LAMA2: variants seen among roughly 807,000 people sequenced by gnomAD.
The protein encoded by LAMA2 is laminin subunit alpha-2.
Under a neutral mutation model 364.8 loss-of-function variants are expected in LAMA2, and 269 were observed. The ratio of observed to expected loss-of-function variants is 0.74; its 90% confidence interval spans 0.67 to 0.82. The LOEUF is 0.82. Among genes scored for constraint, LAMA2 ranks in the 40% least tolerant of loss-of-function variants. LAMA2 has a pLI of 0.00. For missense variants in LAMA2, 3,807 were observed against 3,873.2 expected (o/e 0.98, Z 0.45); for synonymous variants, 1,379 against 1,370.6 (o/e 1.01, Z -0.14).
chr6:129,502,279 C>T (rs1448601571), intron 58 of LAMA2, among the ~76,000 whole-genome samples: 1 of 152,100 alleles, frequency 6.6e-6, no homozygotes, highest in Non-Finnish European at 1.5e-5. Flanking sequence ...CTCTTATAAC[C>T]CAAGTGGCTA....
At chr6:129,453,192 G>A in intron 46 of LAMA2, 61 bp downstream of exon 46, 1 of 1,469,752 alleles carries the variant, frequency 6.8e-7, no homozygotes, top group Non-Finnish European at 9.5e-7. Context: ...AGGTTAATCT[G>A]AAAATGTATA....
intron 1 of LAMA2, among the ~76,000 whole-genome samples, chr6:128,935,433 A>G (rs997041520): frequency 6.6e-6 from 1 of 152,086 alleles, no homozygotes; most frequent in African/African-American, 2.4e-5. Context: ...CATGGTGTAT[A>G]TGTGCCACAT....
At chr6:129,387,249 G>A (rs558057996) in intron 35 of LAMA2, among the ~76,000 whole-genome samples, 1 of 152,040 alleles carries the variant, frequency 6.6e-6, no homozygotes, top group Non-Finnish European at 1.5e-5. Flanking sequence ...GTGGTTTGCT[G>A]CACCTATCAA....
chr6:129,146,901 T>G (rs556662683), intron 5 of LAMA2, 58 bp from the exon 6 acceptor site: 82 of 1,024,356 alleles, frequency 8.0e-5, no homozygotes, highest in Non-Finnish European at 1.3e-4. Flanking sequence ...TGTCCCCTTT[T>G]GTTACTTTGA....
chr6:128,896,512 T>C (rs1187006518), intron 1 of LAMA2, among the ~76,000 whole-genome samples: 1 of 152,098 alleles, frequency 6.6e-6, no homozygotes, highest in African/African-American at 2.4e-5. Context: ...ACACTTTATA[T>C]GTAGATAATG....
chr6:128,889,291 CACAATTGTTGA>C (rs1776313604), intron 1 of LAMA2, among the ~76,000 whole-genome samples: 1 of 152,174 alleles, frequency 6.6e-6, no homozygotes, highest in South Asian at 2.1e-4. Flanking sequence ...AAAGTTTAGA[CACAATTGTTGA>C]AAATGACATA....
intron 1 of LAMA2, among the ~76,000 whole-genome samples, chr6:129,014,227 G>A (rs371169303): frequency 6.6e-6 from 1 of 152,100 alleles, no homozygotes; most frequent in Non-Finnish European, 1.5e-5. Flanking sequence ...TTTAATATTT[G>A]GATATGTAAG....
rs773828278 is a variant in LAMA2 at position 129,328,363 on chromosome 6, A to C, written c.4262A>C (p.Gln1421Pro). Residue 1421 changes from glutamine to proline, a missense_variant, in exon 29 of 65, where the codon CAA (glutamine) becomes CCA (proline). By Grantham distance (76) the Gln-to-Pro change is moderately conservative (BLOSUM62 -1). Coordinates refer to ENST00000421865, the MANE Select transcript of LAMA2 (RefSeq NM_000426.4). Reference protein sequence around the residue: ...GPTLGTCVPCQCNGHSSLCDP... With the variant: ...GPTLGTCVPCPCNGHSSLCDP... Reference sequence around the variant, plus strand: ...ACCCTGGGCACCTGTGTTCCATGTCAATGTAATGGACACAGCAGCCTGTGT... The same window carrying C: ...ACCCTGGGCACCTGTGTTCCATGTCCATGTAATGGACACAGCAGCCTGTGT... 3.1e-6 allele frequency: 5 copies of C among 1,614,008 alleles called. No homozygotes were observed. The African/African-American group carries it at 6.7e-5, about 22-fold the overall frequency.
intron 35 of LAMA2, among the ~76,000 whole-genome samples, chr6:129,384,310 C>T (rs1778857033): frequency 6.6e-6 from 1 of 152,154 alleles, no homozygotes; most frequent in East Asian, 1.9e-4. Flanking sequence ...AAAACAACAA[C>T]AACAACAAAT....
chr6:128,985,869 C>T (rs573097405), intron 1 of LAMA2, among the ~76,000 whole-genome samples: 1 of 152,144 alleles, frequency 6.6e-6, no homozygotes, highest in East Asian at 1.9e-4. Context: ...TATTTCATCC[C>T]ATCAAATATT....
intron 18 of LAMA2, among the ~76,000 whole-genome samples, chr6:129,280,681 T>G (rs1223943217): frequency 6.6e-6 from 1 of 152,208 alleles, no homozygotes; most frequent in Admixed American, 6.5e-5. Flanking sequence ...TGGGTTGCTT[T>G]GCAGCAGAAA....
At chr6:129,424,717 A>G (rs1315637227) in intron 40 of LAMA2, among the ~76,000 whole-genome samples, 6 of 152,098 alleles carry the variant, frequency 3.9e-5, no homozygotes, top group African/African-American at 1.4e-4. Context: ...CCAAGTATCA[A>G]CAAAGATGTA....
intron 58 of LAMA2, among the ~76,000 whole-genome samples, chr6:129,495,816 T>C (rs1302723487): frequency 6.6e-6 from 1 of 152,192 alleles, no homozygotes; most frequent in Non-Finnish European, 1.5e-5. Context: ...ATGGAGATTT[T>C]TACTCATTTA....
At chr6:129,377,812 A>G (rs538905129) in intron 34 of LAMA2, among the ~76,000 whole-genome samples, 1 of 152,340 alleles carries the variant, frequency 6.6e-6, no homozygotes, top group African/African-American at 2.4e-5. Flanking sequence ...CAAGAAAATT[A>G]TGTGCAGATT....
intron 12 of LAMA2, among the ~76,000 whole-genome samples, chr6:129,197,892 C>T (rs977870021): frequency 1.1e-4 from 16 of 152,072 alleles, no homozygotes; most frequent in Admixed American, 8.5e-4. Flanking sequence ...ATTCTCTTGA[C>T]GTTTTTCCTA....
intron 61 of LAMA2, among the ~76,000 whole-genome samples, chr6:129,506,724 T>A (rs1231064759): frequency 1.3e-5 from 2 of 152,160 alleles, no homozygotes; most frequent in African/African-American, 4.8e-5. Flanking sequence ...ATAATGTAGA[T>A]TTGTTCATTC....
At chr6:129,204,292 C>T (rs1248214734) in intron 12 of LAMA2, among the ~76,000 whole-genome samples, 1 of 152,182 alleles carries the variant, frequency 6.6e-6, no homozygotes, top group African/African-American at 2.4e-5. Context: ...AAGAAAATTA[C>T]ATGACAAATA....
intron 7 of LAMA2, among the ~76,000 whole-genome samples, chr6:129,149,315 T>C (rs1778660263): frequency 1.3e-5 from 2 of 152,172 alleles, no homozygotes; most frequent in South Asian, 4.1e-4. Flanking sequence ...AACTGGTCTT[T>C]TTAGGTGACA....
intron 3 of LAMA2, among the ~76,000 whole-genome samples, chr6:129,086,620 G>T (rs1347067017): frequency 1.3e-5 from 2 of 152,230 alleles, no homozygotes; most frequent in African/African-American, 4.8e-5. Flanking sequence ...AAAAGCAAAA[G>T]TAGGCAAAAC....
Sources: allele counts gnomAD v4.1 joint callset (sites outside exome capture counted in the v4.1 genomes callset), GRCh38; gene constraint gnomAD v4.1.1; transcripts MANE v1.5; gene names NCBI Gene and HGNC (gene_info 2026-07-23, HGNC 2026-07-21).